Variants in ENOX2 observed in about 807,000 individuals in gnomAD.
The protein encoded by ENOX2 is APK1 antigen.
In ENOX2, 36 loss-of-function variants were observed where a neutral mutation model predicts 45.0. That is an observed-to-expected ratio of 0.80 (90% CI 0.61 to 1.06). The LOEUF (loss-of-function observed/expected upper bound fraction) is 1.06. ENOX2 is among the 50% of genes least tolerant of loss of function. The pLI, the probability that ENOX2 is intolerant of heterozygous loss-of-function variation, is 0.00. For synonymous variants in ENOX2, 174 were observed against 152.3 expected, an observed-to-expected ratio of 1.14 and a Z score of -1.05; for missense variants, 423 against 462.5, an observed-to-expected ratio of 0.91 and a Z score of 0.78.
At chrX:130,858,115 T>C (rs1376592814) in intron 2 of ENOX2, among the ~76,000 whole-genome samples, 1 of 90,517 alleles carries the variant, frequency 1.1e-5, no homozygotes, top group African/African-American at 4.2e-5. Context: ...GGCTTTTTCC[T>C]TTTTTTTTTT....
chrX:130,705,307 T>C (rs1454880877), intron 3 of ENOX2, among the ~76,000 whole-genome samples: 3 of 112,059 alleles, frequency 2.7e-5, no homozygotes, highest in African/African-American at 9.7e-5. Context: ...AGTAAAGGAT[T>C]TTGAGGTCAA....
At chrX:130,714,461 C>T (rs1390288064) in intron 3 of ENOX2, among the ~76,000 whole-genome samples, 1 of 111,489 alleles carries the variant, frequency 9.0e-6, no homozygotes, top group Non-Finnish European at 1.9e-5. Flanking sequence ...GCCTGTTGAA[C>T]AAGTACCCTA....
chrX:130,871,495 A>G (rs764473774), intron 2 of ENOX2, among the ~76,000 whole-genome samples: 29 of 111,365 alleles, frequency 2.6e-4, no homozygotes, highest in Admixed American at 4.8e-4. Context: ...GGTAGTACAG[A>G]CAATAAATAC....
chrX:130,804,505 T>C (rs969000365), intron 2 of ENOX2, among the ~76,000 whole-genome samples: 1 of 111,680 alleles, frequency 9.0e-6, no homozygotes, highest in African/African-American at 3.3e-5. Flanking sequence ...TGCACTAGTA[T>C]CTCTTCTTCC....
At chrX:130,629,358 A>G (rs1360148945) in intron 13 of ENOX2, among the ~76,000 whole-genome samples, 1 of 112,979 alleles carries the variant, frequency 8.9e-6, no homozygotes, top group Non-Finnish European at 1.9e-5. Flanking sequence ...TTGTGGGTTC[A>G]CACCCAAAAA....
At chrX:130,801,143 C>A (rs935295960) in intron 2 of ENOX2, among the ~76,000 whole-genome samples, 1 of 112,344 alleles carries the variant, frequency 8.9e-6, no homozygotes, top group Non-Finnish European at 1.9e-5. Context: ...ACCCTCTACA[C>A]CAGAATGCCA....
chrX:130,832,470 C>T (rs1235956842), intron 2 of ENOX2, among the ~76,000 whole-genome samples: 4 of 106,117 alleles, frequency 3.8e-5, no homozygotes, highest in Non-Finnish European at 7.8e-5. Context: ...CACACACACA[C>T]CCCACTTGGG....
intron 2 of ENOX2, among the ~76,000 whole-genome samples, chrX:130,800,242 G>C (rs1421085773): frequency 9.1e-6 from 1 of 110,222 alleles, no homozygotes; most frequent in Admixed American, 9.7e-5. Context: ...AGCCAAGCAT[G>C]GTAGTTGTGT....
At chrX:130,854,681 A>T (rs1333044848) in intron 2 of ENOX2, among the ~76,000 whole-genome samples, 2 of 111,849 alleles carry the variant, frequency 1.8e-5, no homozygotes, top group East Asian at 5.5e-4. Context: ...TAAGAAAAAA[A>T]AAATTAGAAT....
chrX:130,695,193 C>T (rs1189024844), intron 4 of ENOX2, among the ~76,000 whole-genome samples: 5 of 111,807 alleles, frequency 4.5e-5, no homozygotes, highest in Non-Finnish European at 9.4e-5. Context: ...TCAAACCTTC[C>T]TATCCAGGAG....
Position 130,661,880 on chromosome X carries a change from A to C in ENOX2, c.1014+3763T>G, listed in dbSNP as rs188182977. ...AGCAATCACAGTATTTCATTTTACA[A>C]GAATACTAGTAATCACCAAGTCCCT... On this transcript the variant is annotated intron_variant, in intron 9 of 14. Coordinates refer to ENST00000394363, the MANE Select transcript of ENOX2 (RefSeq NM_006375.4). Among the ~76,000 whole-genome samples, 7 of 112,420 alleles carry C rather than the reference A, an allele frequency of 6.2e-5. No individual in the cohort carries two copies. In the Admixed American group the frequency reaches 6.6e-4, roughly 11 times the overall value.
chrX:130,818,794 C>A (rs2077537973), intron 2 of ENOX2, among the ~76,000 whole-genome samples: 2 of 112,026 alleles, frequency 1.8e-5, no homozygotes, highest in South Asian at 3.7e-4. Context: ...ACCATAAAAA[C>A]CCTAGAAGAA....
chrX:130,786,994 G>C (rs775896360), intron 2 of ENOX2, among the ~76,000 whole-genome samples: 249 of 85,261 alleles, frequency 2.9e-3, no homozygotes, highest in African/African-American at 0.01. Context: ...CTTCCACAAT[G>C]GTTGAACTAG....
chrX:130,705,797 G>A (rs771204651), intron 3 of ENOX2, among the ~76,000 whole-genome samples: 1 of 111,845 alleles, frequency 8.9e-6, no homozygotes, highest in East Asian at 2.8e-4. Context: ...CAGTGGGAAG[G>A]AGCCTGGCCC....
intron 2 of ENOX2, among the ~76,000 whole-genome samples, chrX:130,868,779 G>C (rs1248016894): frequency 9.0e-6 from 1 of 110,956 alleles, no homozygotes; most frequent in Non-Finnish European, 1.9e-5. Flanking sequence ...TGATATCCTA[G>C]ATACCTCCAA....
intron 3 of ENOX2, among the ~76,000 whole-genome samples, chrX:130,749,331 A>G (rs1044010853): frequency 8.9e-6 from 1 of 111,938 alleles, no homozygotes; most frequent in African/African-American, 3.2e-5. Flanking sequence ...ATTCTAAACT[A>G]TGAAAACAAG....
intron 3 of ENOX2, among the ~76,000 whole-genome samples, chrX:130,713,868 T>C (rs2038257351): frequency 9.0e-6 from 1 of 111,578 alleles, no homozygotes; most frequent in Non-Finnish European, 1.9e-5. Context: ...TTGTAGTTAC[T>C]GGTGTTCAAC....
At chrX:130,831,609 T>C (rs2077830117) in intron 2 of ENOX2, among the ~76,000 whole-genome samples, 1 of 111,562 alleles carries the variant, frequency 9.0e-6, no homozygotes, top group South Asian at 3.7e-4. Flanking sequence ...TCCTCAATTA[T>C]CAGGTCTCAG....
intron 2 of ENOX2, among the ~76,000 whole-genome samples, chrX:130,790,368 A>G (rs2077025202): frequency 8.9e-6 from 1 of 112,010 alleles, no homozygotes; most frequent in South Asian, 3.8e-4. Flanking sequence ...TGGTCAAGTC[A>G]CTAAAGTCTC....
Sources: allele counts gnomAD v4.1 joint callset (sites outside exome capture counted in the v4.1 genomes callset), GRCh38; gene constraint gnomAD v4.1.1; transcripts MANE v1.5; gene names NCBI Gene and HGNC (gene_info 2026-07-23, HGNC 2026-07-21).